Variants in SOX6 observed in about 807,000 individuals in gnomAD.
SOX6 encodes the protein SRY-box transcription factor 6.
SOX6 carries 11 observed loss-of-function variants against 97.8 expected under a neutral mutation model. The observed-to-expected ratio is 0.11, with a 90% CI of 0.07 to 0.19. The LOEUF is 0.19. Ranked by LOEUF, SOX6 falls within the 10% of genes least tolerant of loss-of-function variation. The pLI, the probability that SOX6 is intolerant of heterozygous loss-of-function variation, is 1.00. For missense variants in SOX6, 810 were observed against 1,039.5 expected, an observed-to-expected ratio of 0.78 and a Z score of 3.04; for synonymous variants, 360 against 371.4, an observed-to-expected ratio of 0.97 and a Z score of 0.35.
At chr11:16,338,108 G>T (rs1195964630) in intron 2 of SOX6, among the ~76,000 whole-genome samples, 2 of 152,038 alleles carry the variant, frequency 1.3e-5, no homozygotes, top group African/African-American at 4.8e-5. Flanking sequence ...GGCCATTACA[G>T]AAAGTAAATA....
At chr11:16,402,906 A>G (rs1189005936) in intron 1 of SOX6, 1 of 1,458,940 alleles carries the variant, frequency 6.9e-7, no homozygotes, top group African/African-American at 1.4e-5. Context: ...AGATTGTCAT[A>G]AAAAGAACCC....
chr11:16,499,918 C>T (rs953631031), intron 4 of SOX6, among the ~76,000 whole-genome samples: 3 of 152,290 alleles, frequency 2.0e-5, no homozygotes, highest in Non-Finnish European at 4.4e-5. Flanking sequence ...TGAAACTATT[C>T]CAATCAATAG....
intron 6 of SOX6, among the ~76,000 whole-genome samples, chr11:16,165,518 C>T (rs1221462099): frequency 6.6e-6 from 1 of 152,162 alleles, no homozygotes; most frequent in Non-Finnish European, 1.5e-5. Context: ...AACTATATCC[C>T]TTACTATTCC....
chr11:16,728,435 A>T (rs991406687), intron 2 of SOX6, among the ~76,000 whole-genome samples: 6 of 152,228 alleles, frequency 3.9e-5, no homozygotes, highest in African/African-American at 1.4e-4. Flanking sequence ...AGCCAGGCAA[A>T]CAGGGTCTGG....
intron 12 of SOX6, among the ~76,000 whole-genome samples, chr11:16,032,428 T>C (rs1255550037): frequency 6.6e-6 from 1 of 152,224 alleles, no homozygotes; most frequent in South Asian, 2.1e-4. Flanking sequence ...CTATAAATTA[T>C]GTTAATTATT....
chr11:16,182,744 G>A (rs933081371), intron 6 of SOX6, among the ~76,000 whole-genome samples: 1 of 151,844 alleles, frequency 6.6e-6, no homozygotes, highest in African/African-American at 2.4e-5. Context: ...ATGCCAATTA[G>A]GTAAAGGGAC....
rs1485153978 is a variant in SOX6 at position 15,968,981 on chromosome 11, C to G, written c.*3828G>C. 1 of 152,020 alleles carries G rather than the reference C, an allele frequency of 6.6e-6. No individual in the cohort carries two copies. The highest frequency in any genetic ancestry group is 1.5e-5 in the Non-Finnish European group (1 of 68,020). The allele number at this position is 152,020 out of a possible 1,614,324, so 9.4% of individuals were successfully genotyped here. A position where few individuals can be genotyped will look rare whatever the true frequency, so the allele number is the denominator to read the frequency against. The stretch of plus-strand genomic sequence containing the variant: ...TAGAAAAGTTGTCAGCCTAGCGGCT[C>G]GTATCCGCAAAGCGACCTTTTTTTT... On this transcript the variant is annotated 3_prime_UTR_variant, in exon 16 of 16. Transcript: ENST00000683767.
At chr11:16,625,060 C>T (rs779313901) in intron 3 of SOX6, among the ~76,000 whole-genome samples, 2 of 152,104 alleles carry the variant, frequency 1.3e-5, no homozygotes, top group Admixed American at 1.3e-4. Context: ...ATATTTTCTC[C>T]ATGGCTGTGA....
intron 9 of SOX6, among the ~76,000 whole-genome samples, chr11:16,081,270 G>A (rs1194535687): frequency 1.3e-5 from 2 of 151,958 alleles, no homozygotes; most frequent in African/African-American, 4.8e-5. Flanking sequence ...TTCACACTAA[G>A]GGCCAGTGTG....
At chr11:16,220,401 A>C (rs2134156198) in intron 4 of SOX6, among the ~76,000 whole-genome samples, 1 of 152,220 alleles carries the variant, frequency 6.6e-6, no homozygotes, top group East Asian at 1.9e-4. Context: ...ACGGGAATGA[A>C]GCTGAATAGG....
intron 10 of SOX6, among the ~76,000 whole-genome samples, chr11:16,051,337 G>A (rs142156650): frequency 3.3e-5 from 5 of 152,096 alleles, no homozygotes; most frequent in African/African-American, 7.2e-5. Flanking sequence ...GCCATATAAC[G>A]GGGGAAAGAA....
At chr11:16,425,886 T>G (rs1056445964) in intron 1 of SOX6, among the ~76,000 whole-genome samples, 3 of 152,092 alleles carry the variant, frequency 2.0e-5, no homozygotes, top group Admixed American at 2.0e-4. Context: ...ATGGCTATAC[T>G]GTCCAAAGCA....
chr11:16,594,473 C>G (rs1357955300), intron 4 of SOX6, among the ~76,000 whole-genome samples: 1 of 151,914 alleles, frequency 6.6e-6, no homozygotes, highest in Non-Finnish European at 1.5e-5. Flanking sequence ...CTCAATATAT[C>G]TACTTTCATT....
intron 12 of SOX6, chr11:16,031,459 A>G (rs1855370652): frequency 6.6e-6 from 1 of 152,144 alleles, no homozygotes; most frequent in African/African-American, 2.4e-5. Context: ...TATATGGTTA[A>G]TTCTTATGCG....
intron 4 of SOX6, among the ~76,000 whole-genome samples, chr11:16,506,788 G>A (rs527977176): frequency 6.6e-6 from 1 of 152,140 alleles, no homozygotes; most frequent in Non-Finnish European, 1.5e-5. Flanking sequence ...ACACAGCCAG[G>A]CATGGTAGCT....
Position 16,386,091 on chromosome 11 carries a change from G to A in SOX6, c.-4-44839C>T, listed in dbSNP as rs1181655069. On this transcript the variant is annotated intron_variant, in intron 1 of 15. Transcript: ENST00000396356. ...TCTTTGGCAAAATGTAATGCTCATA[G>A]GGAGACTCTGCTTGTATTGGTATGC... Among the ~76,000 whole-genome samples the A allele has an allele frequency of 3.4e-4, 51 of 152,088 alleles. 2 individuals carry two copies. Among genetic ancestry groups the A allele is most frequent in the Admixed American group, 3.3e-3 (50 of 15,254 alleles).
At chr11:16,202,523 C>T (rs999547340) in intron 4 of SOX6, among the ~76,000 whole-genome samples, 2 of 152,096 alleles carry the variant, frequency 1.3e-5, no homozygotes, top group African/African-American at 4.8e-5. Context: ...AGAAAATCTA[C>T]AGCCTACAAT....
At chr11:16,345,018 A>T (rs1856738431) in intron 1 of SOX6, among the ~76,000 whole-genome samples, 1 of 151,974 alleles carries the variant, frequency 6.6e-6, no homozygotes, top group Non-Finnish European at 1.5e-5. Context: ...AGCATGAAAA[A>T]TTTAAATGCA....
chr11:16,094,202 A>G (rs1848748111), intron 9 of SOX6, among the ~76,000 whole-genome samples: 1 of 151,830 alleles, frequency 6.6e-6, no homozygotes, highest in African/African-American at 2.4e-5. Flanking sequence ...CTAGATCAGC[A>G]TCACTACAGC....
Sources: gnomAD v4.1 joint callset for allele counts (sites outside exome capture counted in the v4.1 genomes callset) on GRCh38, gnomAD v4.1.1 for gene constraint, MANE v1.5 for transcripts, NCBI Gene and HGNC (gene_info 2026-07-23, HGNC 2026-07-21) for gene names.